Variants in VEPH1 observed in about 807,000 individuals in gnomAD.
VEPH1 encodes ventricular zone-expressed PH domain-containing protein homolog 1.
VEPH1 carries 80 observed loss-of-function variants against 85.2 expected under a neutral mutation model. That is an observed-to-expected ratio of 0.94 (90% CI 0.78 to 1.13). The LOEUF (loss-of-function observed/expected upper bound fraction) is 1.13, where lower values mean the gene tolerates loss of function less well. Ranked by LOEUF, VEPH1 falls within the 50% of genes most tolerant of loss-of-function variation. The pLI, the probability that VEPH1 is intolerant of heterozygous loss-of-function variation, is 0.00. For missense variants in VEPH1, 955 were observed against 980.5 expected, an observed-to-expected ratio of 0.97 and a Z score of 0.35; for synonymous variants, 297 against 348.0, an observed-to-expected ratio of 0.85 and a Z score of 1.63.
intron 11 of VEPH1, among the ~76,000 whole-genome samples, chr3:157,308,444 ATATAT>A (rs1719752349): frequency 2.0e-5 from 3 of 151,994 alleles, no homozygotes; most frequent in Non-Finnish European, 4.4e-5. Context: ...GATTATATGT[ATATAT>A]TTGAGTTGGT....
At chr3:157,443,026 A>C (rs773500656) in intron 4 of VEPH1, 9 of 1,547,672 alleles carry the variant, frequency 5.8e-6, no homozygotes, top group Non-Finnish European at 7.8e-6. Flanking sequence ...CTCACACTTA[A>C]AACACATGCC....
intron 12 of VEPH1, among the ~76,000 whole-genome samples, chr3:157,271,610 G>A (rs1389059453): frequency 6.6e-6 from 1 of 152,104 alleles, no homozygotes; most frequent in Non-Finnish European, 1.5e-5. Flanking sequence ...GTCCAAGCAG[G>A]GAGGCAGCCA....
intron 9 of VEPH1, among the ~76,000 whole-genome samples, chr3:157,358,058 C>A (rs1410984216): frequency 2.0e-5 from 3 of 152,150 alleles, no homozygotes; most frequent in Non-Finnish European, 4.4e-5. Flanking sequence ...CTCATTAGAG[C>A]AGTTTGCAGA....
intron 4 of VEPH1, among the ~76,000 whole-genome samples, chr3:157,444,630 G>A (rs1734404457): frequency 6.6e-6 from 1 of 152,094 alleles, no homozygotes; most frequent in Admixed American, 6.5e-5. Context: ...AGGAAAACTA[G>A]ACCCAAAACT....
chr3:157,383,141 A>T (rs1460830267), intron 6 of VEPH1, among the ~76,000 whole-genome samples: 1 of 152,116 alleles, frequency 6.6e-6, no homozygotes, highest in Non-Finnish European at 1.5e-5. Context: ...AAATCTTTTT[A>T]GTACTTAATT....
chr3:157,471,121 A>G (rs776404620), intron 2 of VEPH1, among the ~76,000 whole-genome samples: 6 of 152,196 alleles, frequency 3.9e-5, no homozygotes, highest in Non-Finnish European at 5.9e-5. Flanking sequence ...AATGTGAAAA[A>G]CAGACCCACT....
intron 4 of VEPH1, chr3:157,436,964 C>G (rs1414831614): frequency 6.2e-7 from 1 of 1,614,036 alleles, no homozygotes. Flanking sequence ...GTTTTGTGCT[C>G]TCTGGTCTGC....
chr3:157,461,719 T>C (rs1416300098), intron 3 of VEPH1, among the ~76,000 whole-genome samples: 5 of 152,086 alleles, frequency 3.3e-5, no homozygotes, highest in Non-Finnish European at 4.4e-5. Context: ...CAATTAGATA[T>C]TTACATGGGG....
chr3:157,438,061 A>C, intron 4 of VEPH1: 2 of 747,454 alleles, frequency 2.7e-6, no homozygotes, highest in Non-Finnish European at 2.1e-6. Flanking sequence ...ACACACACAC[A>C]CACACACACA....
chr3:157,462,385 C>A (rs1735961254), intron 3 of VEPH1, among the ~76,000 whole-genome samples: 1 of 152,040 alleles, frequency 6.6e-6, no homozygotes, highest in African/African-American at 2.4e-5. Flanking sequence ...TACAGAATTG[C>A]ATATTGTATG....
At chr3:157,449,355 G>T (rs1253172346) in intron 4 of VEPH1, among the ~76,000 whole-genome samples, 2 of 152,042 alleles carry the variant, frequency 1.3e-5, no homozygotes, top group East Asian at 3.9e-4. Context: ...ATGTATTTAG[G>T]TCTTATTCCA....
At chr3:157,321,032 T>A (rs564062075) in intron 9 of VEPH1, among the ~76,000 whole-genome samples, 295 of 152,178 alleles carry the variant, frequency 1.9e-3, no homozygotes, top group Middle Eastern at 0.014. Context: ...ATATATATAT[T>A]TTTTGGTTTA....
At chr3:157,441,758 C>A (rs543065623) in intron 4 of VEPH1, among the ~76,000 whole-genome samples, 3 of 150,784 alleles carry the variant, frequency 2.0e-5, no homozygotes, top group Non-Finnish European at 4.4e-5. Flanking sequence ...TGCCGTGAGT[C>A]GAGATCGCAC....
intron 11 of VEPH1, among the ~76,000 whole-genome samples, chr3:157,294,070 A>G (rs1166474601): frequency 1.3e-5 from 2 of 152,144 alleles, no homozygotes; most frequent in Non-Finnish European, 2.9e-5. Flanking sequence ...AATATTTAGT[A>G]CTACTTGTTA....
intron 5 of VEPH1, among the ~76,000 whole-genome samples, chr3:157,416,022 T>G (rs1731884769): frequency 6.6e-6 from 1 of 152,174 alleles, no homozygotes; most frequent in Admixed American, 6.5e-5. Flanking sequence ...TCTAGATGCC[T>G]TTCAGGCTGG....
intron 4 of VEPH1, among the ~76,000 whole-genome samples, chr3:157,445,492 G>A (rs995699243): frequency 3.3e-5 from 5 of 152,086 alleles, no homozygotes; most frequent in African/African-American, 1.2e-4. Flanking sequence ...ATGGTGGTAC[G>A]CACCTGCAGT....
chr3:157,404,563 G>GAGAAGGGGAACAGAAGAGTGAGAAAA (rs1263601338), intron 6 of VEPH1, among the ~76,000 whole-genome samples: 3 of 152,128 alleles, frequency 2.0e-5, no homozygotes. Flanking sequence ...GAGTGAGAAA[G>GAGAAGGGGAACAGAAGAGTGAGAAAA]AGAAGGGAAA....
intron 2 of VEPH1, among the ~76,000 whole-genome samples, chr3:157,483,169 A>G (rs1738295113): frequency 6.6e-6 from 1 of 151,240 alleles, no homozygotes; most frequent in African/African-American, 2.4e-5. Context: ...GTATATAATG[A>G]TACATTATGC....
At chr3:157,328,964 TG>T (rs1722217939) in intron 9 of VEPH1, among the ~76,000 whole-genome samples, 2 of 152,192 alleles carry the variant, frequency 1.3e-5, no homozygotes, top group African/African-American at 4.8e-5. Flanking sequence ...GGCTAGCAAC[TG>T]GCAGTCCAGA....
Sources: allele counts gnomAD v4.1 joint callset (sites outside exome capture counted in the v4.1 genomes callset), GRCh38; gene constraint gnomAD v4.1.1; transcripts MANE v1.5; gene names NCBI Gene and HGNC (gene_info 2026-07-23, HGNC 2026-07-21).